PHYHD1: variants seen among roughly 807,000 people sequenced by gnomAD.
The protein encoded by PHYHD1 is phytanoyl-CoA dioxygenase domain containing 1.
A neutral mutation model predicts 43.6 loss-of-function variants in PHYHD1; 42 were observed. The observed-to-expected ratio is 0.96, with a 90% CI of 0.75 to 1.25. The LOEUF (loss-of-function observed/expected upper bound fraction) is 1.25, where lower values mean the gene tolerates loss of function less well. Ranked by LOEUF, PHYHD1 falls within the 50% of genes most tolerant of loss-of-function variation. The pLI, the probability that PHYHD1 is intolerant of heterozygous loss-of-function variation, is 0.00. For missense variants in PHYHD1, 342 were observed against 370.8 expected (o/e 0.92, Z 0.64); for synonymous variants, 139 against 143.6 (o/e 0.97, Z 0.23).
At position 128,933,768 on chromosome 9, in the gene PHYHD1, TC is replaced by T. The variant is rs772025874; in HGVS notation, c.193-10del. Reference sequence around the variant, plus strand: ...AGGATGCTGTCTCAGTCCTCTGATGTCCCCTTTCCACAGGGCAGCACAGACT... The same window carrying T: ...AGGATGCTGTCTCAGTCCTCTGATGTCCCTTTCCACAGGGCAGCACAGACT... On this transcript the variant is annotated splice_polypyrimidine_tract_variant and intron_variant, in intron 4 of 12. Transcript: ENST00000372592. The T allele has an allele frequency of 9.1e-5, 147 of 1,613,044 alleles. No homozygotes were observed. Among genetic ancestry groups the T allele is most frequent in the Non-Finnish European group, 1.2e-4 (142 of 1,179,148 alleles).
intron 10 of PHYHD1, 44 bp downstream of exon 10, chr9:128,940,541 C>T (rs777003172): frequency 1.2e-6 from 2 of 1,613,768 alleles, no homozygotes; most frequent in South Asian, 1.1e-5. Context: ...CTCCCCACCC[C>T]CTAGGGAGAG....
At chr9:128,933,643 C>A in intron 4 of PHYHD1, 139 bp from the exon 5 acceptor site, 1 of 877,420 alleles carries the variant, frequency 1.1e-6, no homozygotes, top group Non-Finnish European at 1.9e-6. Flanking sequence ...GTCTGTGCCT[C>A]AGTGGACAAG....
At chr9:128,926,726 C>A (rs1841144951) in intron 3 of PHYHD1, 1 of 389,256 alleles carries the variant, frequency 2.6e-6, no homozygotes, top group Non-Finnish European at 5.1e-6. Flanking sequence ...GCCCAGCTAA[C>A]CATGCCCTGG....
chr9:128,941,345 C>A, intron 11 of PHYHD1, 100 bp from the exon 12 acceptor site: 1 of 1,491,230 alleles, frequency 6.7e-7, no homozygotes. Flanking sequence ...TGGATGGGGG[C>A]CACAAAACCA....
chr9:128,940,632 T>C lies in PHYHD1; in HGVS notation c.620T>C (p.Val207Ala), dbSNP rs763864699. 6.2e-6 allele frequency: 10 copies of C among 1,614,180 alleles called. No individual in the cohort carries two copies. Among genetic ancestry groups the C allele is most frequent in the Non-Finnish European group, 7.6e-6 (9 of 1,180,016 alleles). The change falls in exon 11 of 13, where the codon GTT (valine) becomes GCT (alanine). Residue 207 changes from valine to alanine, a missense_variant. Physicochemically the swap from Val to Ala is moderately conservative, Grantham distance 64 (BLOSUM62 0). Transcript: ENST00000372592. ...TCAAGAAGGATGGTCCGGGCCCCTG[T>C]TGGCTCAGCGCCTGGTACCAGCTTC... ...GVSRRMVRAP[V>A]GSAPGTSFLG...
chr9:128,931,646 T>A (rs2131104798), intron 4 of PHYHD1, among the ~76,000 whole-genome samples: 1 of 152,252 alleles, frequency 6.6e-6, no homozygotes, highest in South Asian at 2.1e-4. Context: ...TGCCTCAGCC[T>A]CTGGAGTAGC....
chr9:128,930,948 CAAAA>C (rs759485070), intron 4 of PHYHD1, among the ~76,000 whole-genome samples: 1 of 57,114 alleles, frequency 1.8e-5, no homozygotes. Flanking sequence ...GACTCTGTCT[CAAAA>C]AAAAAAAAAA....
chr9:128,941,348 C>G (rs1483606463), intron 11 of PHYHD1, 97 bp from the exon 12 acceptor site: 49 of 1,522,156 alleles, frequency 3.2e-5, no homozygotes, highest in Non-Finnish European at 4.4e-5. Context: ...ATGGGGGCCA[C>G]AAAACCACTG....
chr9:128,928,055 G>A (rs903425895), intron 4 of PHYHD1, among the ~76,000 whole-genome samples: 4 of 152,244 alleles, frequency 2.6e-5, no homozygotes, highest in African/African-American at 9.6e-5. Context: ...TTATGAGCCT[G>A]CTTGCGCCTG....
At chr9:128,926,928 G>A (rs762746840) in intron 3 of PHYHD1, 110 bp from the exon 4 acceptor site, 2 of 1,453,232 alleles carry the variant, frequency 1.4e-6, no homozygotes, top group African/African-American at 1.4e-5. Flanking sequence ...TGGGGACAGG[G>A]CAGCAAACAA....
At chr9:128,933,010 G>C (rs998235843) in intron 4 of PHYHD1, among the ~76,000 whole-genome samples, 10 of 149,902 alleles carry the variant, frequency 6.7e-5, no homozygotes, top group African/African-American at 2.5e-4. Context: ...ACCATGCCCG[G>C]CTAATTTTTT....
chr9:128,926,883 G>A, intron 3 of PHYHD1, 155 bp from the exon 4 acceptor site: 1 of 969,774 alleles, frequency 1.0e-6, no homozygotes, highest in Non-Finnish European at 1.6e-6. Context: ...AATATTGATT[G>A]CTCTTTGCTG....
intron 4 of PHYHD1, among the ~76,000 whole-genome samples, chr9:128,932,175 A>ATTTTTTTTTTTTTTT (rs1164525938): frequency 1.9e-5 from 2 of 107,120 alleles, no homozygotes; most frequent in African/African-American, 4.5e-5. Context: ...TATTGTTATT[A>ATTTTTTTTTTTTTTT]TTATTATTAT....
intron 3 of PHYHD1, among the ~76,000 whole-genome samples, chr9:128,924,342 C>T (rs1245899095): frequency 5.3e-5 from 8 of 152,034 alleles, no homozygotes; most frequent in African/African-American, 7.2e-5. Context: ...GGTGTGAACC[C>T]GGGAGGCGGA....
chr9:128,934,438 G>A (rs1841375160), intron 6 of PHYHD1, among the ~76,000 whole-genome samples: 1 of 151,652 alleles, frequency 6.6e-6, no homozygotes. Context: ...GGGGAAACTG[G>A]GGAAACTGAA....
chr9:128,937,940 G>A (rs917893901), intron 9 of PHYHD1, 162 bp downstream of exon 9: 6 of 1,513,052 alleles, frequency 4.0e-6, no homozygotes, highest in Non-Finnish European at 5.3e-6. Context: ...CCTGATAGTG[G>A]ATTGGTAGGG....
In PHYHD1 at chr9:128,933,795, A is replaced by G. The variant is rs141401618; in HGVS notation, c.206A>G (p.Tyr69Cys). The change falls in exon 5 of 13, where the codon TAT becomes TGT. Residue 69 changes from tyrosine (Y) to cysteine (C), a missense_variant. Coordinates refer to ENST00000372592, the MANE Select transcript of PHYHD1 (RefSeq NM_001100876.2). ...EQLRAQGSTD[Y>C]FLSSGDKIRF... ...CCCTTTCCACAGGGCAGCACAGACT[A>G]TTTCTTGAGCAGTGGTGACAAGATT... 1.2e-3 allele frequency: 1,902 copies of G among 1,614,080 alleles called. 5 individuals are homozygous for G. Among genetic ancestry groups the G allele is most frequent in the Non-Finnish European group, 1.5e-3 (1,748 of 1,179,978 alleles).
At position 128,927,480 on chromosome 9, in the gene PHYHD1, A is replaced by T. The variant is rs144620738; in HGVS notation, c.192+284A>T. On this transcript the variant is annotated intron_variant, in intron 4 of 12. Transcript: ENST00000372592. ...AACCTCCGCCTCCCGGGTTCAAGTG[A>T]TTCTCCTGCCTCAGCCTCCTGAGTA... Among the ~76,000 whole-genome samples, 450 of 151,770 alleles carry T rather than the reference A, an allele frequency of 3.0e-3. 1 individual carries two copies. Among genetic ancestry groups the T allele is most frequent in the Non-Finnish European group, 5.7e-3 (388 of 67,966 alleles).
chr9:128,932,266 C>A (rs143079854), intron 4 of PHYHD1, among the ~76,000 whole-genome samples: 44,571 of 148,984 alleles, frequency 0.3, 7,807 homozygotes, highest in Admixed American at 0.39. Context: ...GCAACCTCTG[C>A]CTCCTGGGTT....
Sources: allele counts gnomAD v4.1 joint callset (sites outside exome capture counted in the v4.1 genomes callset), GRCh38; gene constraint gnomAD v4.1.1; transcripts MANE v1.5; gene names NCBI Gene and HGNC (gene_info 2026-07-23, HGNC 2026-07-21).